KY: variants seen among roughly 807,000 people sequenced by gnomAD.
The protein encoded by KY is kyphoscoliosis peptidase.
Under a neutral mutation model 76.1 loss-of-function variants are expected in KY, and 43 were observed. The observed-to-expected ratio is 0.57, with a 90% CI of 0.44 to 0.73. The LOEUF is 0.73. Ranked by LOEUF, KY falls within the 30% of genes least tolerant of loss-of-function variation. The pLI is 0.00. For synonymous variants in KY, 277 were observed against 326.2 expected (o/e 0.85, Z 1.63); for missense variants, 722 against 828.9 (o/e 0.87, Z 1.58).
At chr3:134,628,067 G>T in intron 4 of KY, 2 of 563,678 alleles carry the variant, frequency 3.5e-6, no homozygotes. Context: ...TCTGCAACTG[G>T]AGTTAGTATT....
intron 4 of KY, chr3:134,629,305 T>C (rs1577717788): frequency 5.9e-6 from 2 of 339,612 alleles, no homozygotes; most frequent in African/African-American, 4.1e-5. Context: ...ACTTAGCATT[T>C]TGCATGCCAC....
intron 3 of KY, among the ~76,000 whole-genome samples, chr3:134,639,233 T>C (rs1965405302): frequency 6.6e-6 from 1 of 152,134 alleles, no homozygotes; most frequent in Middle Eastern, 3.2e-3. Flanking sequence ...AGCAGTGACA[T>C]CCCAGGAATG....
rs538682177 is a variant in KY, at chr3:134,609,368, G to C, written c.900-529C>G. Among the ~76,000 whole-genome samples the C allele has an allele frequency of 2.5e-4, 38 of 152,266 alleles. 1 individual carries two copies. In the South Asian group the frequency reaches 7.7e-3, roughly 31 times the overall value. On this transcript the variant is annotated intron_variant, in intron 9 of 10. Transcript: ENST00000423778. ...CCCTTCCTGAGATGGGGGTGGCTTT[G>C]CTCTGCCTAAGAGGAGCAGTGTTGA...
chr3:134,622,910 G>A (rs1962884137), intron 6 of KY, among the ~76,000 whole-genome samples: 1 of 152,166 alleles, frequency 6.6e-6, no homozygotes, highest in Non-Finnish European at 1.5e-5. Context: ...AGAGATTCCA[G>A]GACTCACCTG....
At chr3:134,610,102 C>T (rs78153976) in intron 9 of KY, 93 bp downstream of exon 9, 40 of 1,376,686 alleles carry the variant, frequency 2.9e-5, no homozygotes, top group African/African-American at 1.4e-4. Flanking sequence ...CTTCCCCTCC[C>T]GCTTGGTCTT....
chr3:134,617,332 A>G lies in KY; in HGVS notation c.710+1816T>C, dbSNP rs576827726. Among the ~76,000 whole-genome samples the G allele has an allele frequency of 6.6e-5, 10 of 152,326 alleles. 1 individual carries two copies. Among genetic ancestry groups the G allele is most frequent in the African/African-American group, 2.4e-4 (10 of 41,566 alleles). On this transcript the variant is annotated intron_variant, in intron 8 of 10. Transcript: ENST00000423778. ...TTCATCAGTTAAAAGAGAATTCCAC[A>G]TTCCATTCCACATAAGTCTGCTAGG...
chr3:134,640,735 T>C (rs1965639850), intron 3 of KY, among the ~76,000 whole-genome samples: 1 of 152,192 alleles, frequency 6.6e-6, no homozygotes, highest in Non-Finnish European at 1.5e-5. Flanking sequence ...CTGCTCTTCC[T>C]GCATCTCCCT....
chr3:134,630,817 C>T (rs201904929), intron 3 of KY, among the ~76,000 whole-genome samples: 1 of 151,988 alleles, frequency 6.6e-6, no homozygotes, highest in African/African-American at 2.4e-5. Context: ...ACTCCACACA[C>T]AAAAAACCAG....
At chr3:134,644,148 A>G (rs928912392) in intron 2 of KY, among the ~76,000 whole-genome samples, 1 of 151,836 alleles carries the variant, frequency 6.6e-6, no homozygotes, top group Admixed American at 6.6e-5. Context: ...CTTAATGAGA[A>G]GAACAGGGGG....
rs1244832745 is a variant in KY, at chr3:134,600,216, G to C, written c.*3363C>G. Among the ~76,000 whole-genome samples, 1 of 152,204 alleles carries C rather than the reference G, an allele frequency of 6.6e-6. No individual in the cohort carries two copies. Among genetic ancestry groups the C allele is most frequent in the Admixed American group, 6.5e-5 (1 of 15,288 alleles). ...GACCAGGATATCTCAGGAATTAATTGGTTTGGAGAGGAGAAAACCCACTCC... is the reference window on the plus strand; with the variant it reads ...GACCAGGATATCTCAGGAATTAATTCGTTTGGAGAGGAGAAAACCCACTCC... On this transcript the variant is annotated 3_prime_UTR_variant, in exon 11 of 11. Coordinates refer to ENST00000423778, the MANE Select transcript of KY (RefSeq NM_178554.6).
intron 6 of KY, among the ~76,000 whole-genome samples, chr3:134,624,208 T>C (rs1215060466): frequency 6.6e-6 from 1 of 152,108 alleles, no homozygotes; most frequent in African/African-American, 2.4e-5. Flanking sequence ...CCCACTGGTG[T>C]TAGAGTTCTT....
chr3:134,626,095 G>T (rs1229192930), intron 5 of KY, among the ~76,000 whole-genome samples: 1 of 152,156 alleles, frequency 6.6e-6, no homozygotes, highest in East Asian at 1.9e-4. Context: ...TTAACCAAGG[G>T]TCCCTGAGTC....
chr3:134,612,732 G>A (rs923381486), intron 8 of KY, among the ~76,000 whole-genome samples: 7 of 146,690 alleles, frequency 4.8e-5, no homozygotes, highest in African/African-American at 1.3e-4. Context: ...TCTCCAGTCA[G>A]CACAATGTCA....
intron 10 of KY, among the ~76,000 whole-genome samples, chr3:134,606,569 C>G (rs146952933): frequency 6.6e-6 from 1 of 152,154 alleles, no homozygotes; most frequent in Non-Finnish European, 1.5e-5. Context: ...CTTCAGGGAA[C>G]GTTCCACTGC....
chr3:134,641,297 TG>T (rs1355304634), intron 3 of KY: 4 of 152,174 alleles, frequency 2.6e-5, no homozygotes, highest in African/African-American at 9.7e-5. Context: ...TTACCTAATA[TG>T]GTAAAGAGGA....
rs572553308 is a variant in KY at position 134,622,488 on chromosome 3, C to T, written c.484-1631G>A. On this transcript the variant is annotated intron_variant, in intron 6 of 10. Coordinates refer to ENST00000423778, the MANE Select transcript of KY (RefSeq NM_178554.6). ...CAAAAGGACAAATACTGTATGATTC[C>T]ACTTATATGAAATATCTAGAATAGG... Among the ~76,000 whole-genome samples the T allele has an allele frequency of 1.4e-4, 22 of 152,150 alleles. No individual in the cohort carries two copies. In the South Asian group the frequency reaches 4.6e-3, roughly 32 times the overall value.
rs780346117 is a variant in KY at position 134,604,133 on chromosome 3, C to A, written c.1432G>T (p.Gly478Trp). Residue 478 changes from glycine to tryptophan, a missense_variant, in exon 11 of 11, where the codon GGG becomes TGG. Coordinates refer to ENST00000423778, the MANE Select transcript of KY (RefSeq NM_178554.6). The part of the protein sequence containing the change: ...HPDPIIHTSD[G>W]RCSISFSVEE... ...ACGCTGAAGCTGATGGAGCAGCGCC[C>A]GTCGCTGGTGTGGATGATAGGGTCA... The A allele has an allele frequency of 1.2e-6, 2 of 1,607,934 alleles. No homozygotes were observed. Among genetic ancestry groups the A allele is most frequent in the Non-Finnish European group, 1.7e-6 (2 of 1,176,832 alleles).
Position 134,604,122 on chromosome 3 carries a change from G to A in KY, c.1443C>T (p.Ser481=), listed in dbSNP as rs757107577. ...TGCCCTCCTCCACGCTGAAGCTGATGGAGCAGCGCCCGTCGCTGGTGTGGA... is the reference window on the plus strand; with the variant it reads ...TGCCCTCCTCCACGCTGAAGCTGATAGAGCAGCGCCCGTCGCTGGTGTGGA... ...PIIHTSDGRC[S]ISFSVEEGIN... Residue 481 remains serine, a synonymous_variant, in exon 11 of 11, where the codon TCC becomes TCT. Coordinates refer to ENST00000423778, the MANE Select transcript of KY (RefSeq NM_178554.6). The A allele has an allele frequency of 3.1e-6, 5 of 1,610,030 alleles. No homozygotes were observed. Among genetic ancestry groups the A allele is most frequent in the Non-Finnish European group, 4.2e-6 (5 of 1,177,890 alleles).
In KY at chr3:134,627,814, T is replaced by A. The variant is rs1963664621; in HGVS notation, c.342A>T (p.Leu114Phe). ...TTGTGTTTCCATTTTTATCACCTTG[T>A]AAACCTACAATATTCCAAAGATCAG... ...LLKKFSLAKR[L>F]QGDKNGNTRP... is the part of the protein sequence containing the mutation. The change falls in exon 5 of 11, where the codon TTA becomes TTT. Residue 114 changes from leucine (L) to phenylalanine (F), a missense_variant. Transcript: ENST00000423778. 1.2e-6 allele frequency: 2 copies of A among 1,612,396 alleles called. No individual in the cohort carries two copies. Among genetic ancestry groups the A allele is most frequent in the African/African-American group, 2.7e-5 (2 of 74,902 alleles).
Sources: allele counts gnomAD v4.1 joint callset (sites outside exome capture counted in the v4.1 genomes callset), GRCh38; gene constraint gnomAD v4.1.1; transcripts MANE v1.5; gene names NCBI Gene and HGNC (gene_info 2026-07-23, HGNC 2026-07-21).